NRXN2: variants seen among roughly 807,000 people sequenced by gnomAD.
NRXN2 encodes neurexin-2-beta.
In NRXN2, 29 loss-of-function variants were observed where a neutral mutation model predicts 128.8. The ratio of observed to expected loss-of-function variants is 0.23; its 90% CI spans 0.17 to 0.31. The LOEUF is 0.31. Among genes scored for constraint, NRXN2 ranks in the 10% least tolerant of loss-of-function variants. The probability of loss-of-function intolerance (pLI) is 1.00; values close to 1 mark genes in which losing one functional copy is unlikely to be tolerated. For synonymous variants in NRXN2, 1,098 were observed against 1,075.2 expected (o/e 1.02, Z -0.41); for missense variants, 1,881 against 2,452.6 (o/e 0.77, Z 4.92).
At position 64,660,239 on chromosome 11, in the gene NRXN2, C is replaced by G; in HGVS notation, c.2389+93G>C. ...CAAACTCTGCTGAGGGCACCTCTTGCTGGTGCCACCACCAGCTTCTCCAGA... is the reference window on the plus strand; with the variant it reads ...CAAACTCTGCTGAGGGCACCTCTTGGTGGTGCCACCACCAGCTTCTCCAGA... On this transcript the variant is annotated intron_variant, in intron 11 of 22. Transcript: ENST00000265459. This position sits in a 1 kb window ranked among gnomAD's most constrained non-coding sequence, Gnocchi z 5.2. 7.0e-7 allele frequency: 1 copy of G among 1,419,310 alleles called. No homozygotes were observed. The highest frequency in any genetic ancestry group is 9.9e-7 in the Non-Finnish European group (1 of 1,005,830). 87.9% of individuals were successfully genotyped at this position (1,419,310 alleles called of 1,614,324 possible). A position where few individuals can be genotyped will look rare whatever the true frequency, so the allele number is the denominator to read the frequency against.
In NRXN2 at chr11:64,630,276, C is replaced by A; in HGVS notation, c.3757+126G>T. 1 of 878,872 alleles carries A rather than the reference C, an allele frequency of 1.1e-6. No homozygotes were observed. Among genetic ancestry groups the A allele is most frequent in the Non-Finnish European group, 1.7e-6 (1 of 598,238 alleles). The allele number at this position is 878,872 out of a possible 1,614,324, so 54.4% of individuals were successfully genotyped here. On this transcript the variant is annotated intron_variant, in intron 19 of 22. Coordinates refer to ENST00000265459, the MANE Select transcript of NRXN2 (RefSeq NM_015080.4). This position sits in a 1 kb window ranked among gnomAD's most constrained non-coding sequence, Gnocchi z 4.6. Reference sequence around the variant, plus strand: ...CTCGCAAGCTTCGTCTCTCCAGTAGCCCCGCCCCAGAGCCGCTTAGCCCCG... The same window carrying A: ...CTCGCAAGCTTCGTCTCTCCAGTAGACCCGCCCCAGAGCCGCTTAGCCCCG...
chr11:64,647,994 C>T (rs1315275981), intron 17 of NRXN2, among the ~76,000 whole-genome samples: 1 of 152,178 alleles, frequency 6.6e-6, no homozygotes, highest in East Asian at 1.9e-4. Context: ...TCAGTGGGTC[C>T]CCCCAGAGCT....
Position 64,698,754 on chromosome 11 carries a change from T to C in NRXN2, c.731-962A>G, listed in dbSNP as rs1451858602. Among the ~76,000 whole-genome samples, 9 of 152,164 alleles carry C rather than the reference T, an allele frequency of 5.9e-5. No homozygotes were observed. In the South Asian group the frequency reaches 6.2e-4, roughly 11 times the overall value. On this transcript the variant is annotated intron_variant, in intron 2 of 22. Coordinates refer to ENST00000265459, the MANE Select transcript of NRXN2 (RefSeq NM_015080.4). ...TCACCAAATGGGTCAAGGGAGAAGA[T>C]GGAACAACGAGAAGATGGAGACAAT... is the stretch of plus-strand genomic sequence containing the variant.
intron 2 of NRXN2, among the ~76,000 whole-genome samples, chr11:64,707,143 AAGGTGGGCGGATCATG>A (rs1038551627): frequency 2.0e-5 from 3 of 152,054 alleles, no homozygotes; most frequent in Non-Finnish European, 4.4e-5. Flanking sequence ...TTGGGAGGCC[AAGGTGGGCGGATCATG>A]AGGTGGGTGG....
intron 2 of NRXN2, among the ~76,000 whole-genome samples, chr11:64,712,496 C>T (rs1436176219): frequency 4.0e-5 from 6 of 151,582 alleles, no homozygotes; most frequent in Non-Finnish European, 8.8e-5. Context: ...CCCCACTCAC[C>T]ACCCCTCACG....
intron 19 of NRXN2, among the ~76,000 whole-genome samples, chr11:64,629,206 TGGA>T (rs2135363345): frequency 6.6e-6 from 1 of 152,322 alleles, no homozygotes; most frequent in South Asian, 2.1e-4. Flanking sequence ...GGGAGAGTGA[TGGA>T]GGTCGCAGAT....
intron 2 of NRXN2, among the ~76,000 whole-genome samples, chr11:64,704,124 A>G (rs1240941265): frequency 1.3e-5 from 2 of 152,162 alleles, no homozygotes; most frequent in Non-Finnish European, 2.9e-5. Context: ...TGTCAGGACC[A>G]CAGGTACTGG....
chr11:64,623,089 T>A lies in NRXN2; in HGVS notation c.3848-11A>T. On this transcript the variant is annotated splice_polypyrimidine_tract_variant and intron_variant, in intron 20 of 22. Transcript: ENST00000265459. This position sits in a 1 kb window ranked among gnomAD's most constrained non-coding sequence, Gnocchi z 4.9. ...TGGTCAGCTGGCGGCCTTGCAGGAG[T>A]GGAAGGGGGTGACAGAGAAGGGGCA... The A allele has an allele frequency of 1.3e-6, 2 of 1,583,240 alleles. No homozygotes were observed. Among genetic ancestry groups the A allele is most frequent in the South Asian group, 1.1e-5 (1 of 87,938 alleles).
At chr11:64,657,222 T>C (rs531396751) in intron 11 of NRXN2, among the ~76,000 whole-genome samples, 1 of 152,214 alleles carries the variant, frequency 6.6e-6, no homozygotes, top group African/African-American at 2.4e-5. Context: ...GAGCAAGCAA[T>C]GGGGGACAGG....
chr11:64,667,973 C>A lies in NRXN2; in HGVS notation c.1360-285G>T, dbSNP rs2050116183. ...ACTAAATTGCAGTTCATAATAATGA[C>A]AAGGCCACTGACGTGTGGTAGCTGT... On this transcript the variant is annotated intron_variant, in intron 8 of 22. Coordinates refer to ENST00000265459, the MANE Select transcript of NRXN2 (RefSeq NM_015080.4). This position sits in a 1 kb window ranked among gnomAD's most constrained non-coding sequence, Gnocchi z 5.6. Among the ~76,000 whole-genome samples, 1 of 152,194 alleles carries A rather than the reference C, an allele frequency of 6.6e-6. No homozygotes were observed. The highest frequency in any genetic ancestry group is 1.5e-5 in the Non-Finnish European group (1 of 68,040).
At chr11:64,682,826 T>C (rs1152630) in intron 6 of NRXN2, among the ~76,000 whole-genome samples, 149,534 of 152,238 alleles carry the variant, frequency 0.98, 73,496 homozygotes, top group Middle Eastern at 1. Context: ...GAGACACCTC[T>C]GGTCACAGTG....
intron 17 of NRXN2, among the ~76,000 whole-genome samples, chr11:64,642,179 A>C (rs779387829): frequency 3.3e-5 from 5 of 151,982 alleles, no homozygotes; most frequent in Admixed American, 6.6e-5. Context: ...GGTGATGCGC[A>C]AGAGAAATGG....
At chr11:64,671,587 GA>G in intron 7 of NRXN2, among the ~76,000 whole-genome samples, 1 of 152,148 alleles carries the variant, frequency 6.6e-6, no homozygotes, top group Non-Finnish European at 1.5e-5. Flanking sequence ...ACTGCAGCTG[GA>G]CACATGCAGG....
intron 4 of NRXN2, among the ~76,000 whole-genome samples, chr11:64,692,080 C>T (rs1414807716): frequency 1.3e-5 from 2 of 152,174 alleles, no homozygotes; most frequent in Non-Finnish European, 2.9e-5. Flanking sequence ...AACACCAGGG[C>T]TCTCAAAGAT....
intron 9 of NRXN2, among the ~76,000 whole-genome samples, chr11:64,666,854 C>T (rs1221105316): frequency 6.6e-6 from 1 of 152,182 alleles, no homozygotes; most frequent in African/African-American, 2.4e-5. Context: ...TGAGGCATCG[C>T]ACCCGGCCGG....
chr11:64,696,340 A>G (rs2054518686), intron 3 of NRXN2, among the ~76,000 whole-genome samples: 1 of 152,094 alleles, frequency 6.6e-6, no homozygotes, highest in African/African-American at 2.4e-5. Context: ...TGCTCTACAT[A>G]GGCATACAGA....
intron 6 of NRXN2, 84 bp downstream of exon 6, chr11:64,685,562 C>T: frequency 6.4e-7 from 1 of 1,574,698 alleles, no homozygotes. Context: ...ATCCCTCCAC[C>T]ACAAGCTCCC....
At chr11:64,618,061 A>C (rs1316802079) in intron 22 of NRXN2, among the ~76,000 whole-genome samples, 1 of 152,034 alleles carries the variant, frequency 6.6e-6, no homozygotes, top group Non-Finnish European at 1.5e-5. Flanking sequence ...CCCTTTTCCC[A>C]AGAGGGTGGC....
intron 11 of NRXN2, among the ~76,000 whole-genome samples, chr11:64,657,257 G>A (rs1000004122): frequency 3.9e-5 from 6 of 152,242 alleles, no homozygotes; most frequent in South Asian, 4.1e-4. Flanking sequence ...AGTGATTCAC[G>A]TGGGCCAGGA....
Sources: gnomAD v4.1 joint callset for allele counts (sites outside exome capture counted in the v4.1 genomes callset) on GRCh38, gnomAD v4.1.1 for gene constraint, Gnocchi (gnomAD v3.1) non-coding constraint, MANE v1.5 for transcripts, NCBI Gene and HGNC (gene_info 2026-07-23, HGNC 2026-07-21) for gene names.